Variants in GPATCH2L observed in about 807,000 individuals in gnomAD.
The protein encoded by GPATCH2L is G patch domain-containing protein 2-like.
In GPATCH2L, 31 loss-of-function variants were observed where a neutral mutation model predicts 57.4. The observed-to-expected ratio is 0.54, with a 90% CI of 0.41 to 0.73. The LOEUF (loss-of-function observed/expected upper bound fraction) is 0.73, where lower values mean the gene tolerates loss of function less well. Ranked by LOEUF, GPATCH2L falls within the 30% of genes least tolerant of loss-of-function variation. GPATCH2L has a pLI of 0.00. For synonymous variants in GPATCH2L, 199 were observed against 210.7 expected (o/e 0.94, Z 0.48); for missense variants, 481 against 599.9 (o/e 0.80, Z 2.07).
chr14:76,183,722 C>T (rs1395385621), intron 8 of GPATCH2L, among the ~76,000 whole-genome samples: 1 of 152,146 alleles, frequency 6.6e-6, no homozygotes, highest in Admixed American at 6.5e-5. Context: ...CCTTTGTAAT[C>T]GTTCCTCCCC....
Position 76,209,788 on chromosome 14 carries a change from C to T in GPATCH2L, c.*7937C>T, listed in dbSNP as rs573154603. ...GGTTCCACTTTCATCAGATGTGACC[C>T]TGTGTGTTCCTGATGTCTTTGAATC... On this transcript the variant is annotated 3_prime_UTR_variant, in exon 10 of 10. Transcript: ENST00000261530. The T allele has an allele frequency of 6.6e-6, 1 of 152,304 alleles. No homozygotes were observed. The highest frequency in any genetic ancestry group is 2.4e-5 in the African/African-American group (1 of 41,554). The allele number at this position is 152,304 out of a possible 1,614,324, so 9.4% of individuals were successfully genotyped here.
chr14:76,176,616 T>G lies in GPATCH2L; in HGVS notation c.985-7T>G, dbSNP rs761932574. On this transcript the variant is annotated splice_polypyrimidine_tract_variant and splice_region_variant and intron_variant, in intron 5 of 9. Coordinates refer to ENST00000261530, the MANE Select transcript of GPATCH2L (RefSeq NM_017926.4). ...GGATGATACTCTTGTCTGCCTTTTCTTTTTAGGAGACCAGCATAAACACTT... is the reference window on the plus strand; with the variant it reads ...GGATGATACTCTTGTCTGCCTTTTCGTTTTAGGAGACCAGCATAAACACTT... 1.9e-6 allele frequency: 3 copies of G among 1,596,772 alleles called. No homozygotes were observed. The Admixed American group carries it at 5.0e-5, about 27-fold the overall frequency.
rs374892109 is a variant in GPATCH2L at position 76,204,927 on chromosome 14, T to G, written c.*3076T>G. On this transcript the variant is annotated 3_prime_UTR_variant, in exon 10 of 10. Transcript: ENST00000261530. ...TTTAGATTTTTTTCAGATGCAGTAT[T>G]TTAAAGGAACAAAACTCCTGTGTTG... The G allele has an allele frequency of 2.6e-5, 4 of 152,248 alleles. No individual in the cohort carries two copies. The South Asian group carries it at 8.3e-4, about 32-fold the overall frequency. 9.4% of individuals were successfully genotyped at this position (152,248 alleles called of 1,614,324 possible).
intron 8 of GPATCH2L, among the ~76,000 whole-genome samples, chr14:76,182,585 CAAAAAAAAAA>C (rs66602777): frequency 2.4e-5 from 2 of 84,820 alleles, no homozygotes; most frequent in Non-Finnish European, 4.5e-5. Flanking sequence ...GACCCTGTCT[CAAAAAAAAAA>C]AAAAAAAAAA....
intron 3 of GPATCH2L, among the ~76,000 whole-genome samples, chr14:76,169,211 C>G (rs141378027): frequency 8.5e-4 from 129 of 152,200 alleles, no homozygotes; most frequent in Non-Finnish European, 1.4e-3. Flanking sequence ...CTCTGTGGCT[C>G]CTTGTATTAT....
chr14:76,186,140 CTT>C (rs932912852), intron 8 of GPATCH2L, among the ~76,000 whole-genome samples: 1 of 151,992 alleles, frequency 6.6e-6, no homozygotes, highest in African/African-American at 2.4e-5. Context: ...ATTTTAAAAA[CTT>C]TGAGTTGGCT....
chr14:76,224,780 T>C (rs1595014062), intron 1 of GPATCH2L, among the ~76,000 whole-genome samples: 1 of 152,154 alleles, frequency 6.6e-6, no homozygotes, highest in Non-Finnish European at 1.5e-5. Context: ...TTATTAGAAA[T>C]AAGTAAATTT....
chr14:76,156,022 A>G (rs554997347), intron 2 of GPATCH2L, among the ~76,000 whole-genome samples: 42 of 152,286 alleles, frequency 2.8e-4, no homozygotes, highest in African/African-American at 9.4e-4. Flanking sequence ...TGTACTATGG[A>G]CTTAGCATAT....
chr14:76,221,483 A>T (rs2040515117), intron 1 of GPATCH2L, among the ~76,000 whole-genome samples: 1 of 152,224 alleles, frequency 6.6e-6, no homozygotes, highest in Non-Finnish European at 1.5e-5. Context: ...ACAATCTAGC[A>T]ATGATGCTTC....
chr14:76,164,221 C>G (rs2038727554), intron 2 of GPATCH2L, among the ~76,000 whole-genome samples: 1 of 152,204 alleles, frequency 6.6e-6, no homozygotes, highest in Admixed American at 6.5e-5. Context: ...CGCCCTACCT[C>G]TCCCAGCCCT....
chr14:76,228,759 G>A (rs772243843), intron 1 of GPATCH2L, among the ~76,000 whole-genome samples: 17 of 152,182 alleles, frequency 1.1e-4, no homozygotes, highest in Admixed American at 7.9e-4. Flanking sequence ...GTGTCTGGTG[G>A]AGTTGGTGGA....
intron 1 of GPATCH2L, among the ~76,000 whole-genome samples, chr14:76,219,917 A>G (rs2040507069): frequency 6.6e-6 from 1 of 152,180 alleles, no homozygotes; most frequent in Non-Finnish European, 1.5e-5. Flanking sequence ...GTGTCAGGCA[A>G]GTGTTCTTAG....
At chr14:76,189,958 G>C (rs537291484) in intron 8 of GPATCH2L, among the ~76,000 whole-genome samples, 1 of 152,140 alleles carries the variant, frequency 6.6e-6, no homozygotes, top group South Asian at 2.1e-4. Flanking sequence ...GATTTTTGAA[G>C]GTGAACTATT....
intron 1 of GPATCH2L, among the ~76,000 whole-genome samples, chr14:76,219,687 C>T (rs996999726): frequency 6.6e-6 from 1 of 152,144 alleles, no homozygotes; most frequent in Non-Finnish European, 1.5e-5. Flanking sequence ...TACATACAGA[C>T]AGACCCAGGT....
At chr14:76,175,810 C>T (rs1456812847) in intron 5 of GPATCH2L, 1 of 152,146 alleles carries the variant, frequency 6.6e-6, no homozygotes, top group Non-Finnish European at 1.5e-5. Context: ...GAAGAACAGC[C>T]TTGATGTTCT....
rs748548497 is a variant in GPATCH2L, at chr14:76,153,089, CT to C, written c.-11+1099del. The C allele has an allele frequency of 1.3e-3, 366 of 280,746 alleles. 1 individual carries two copies. Among genetic ancestry groups the C allele is most frequent in the Non-Finnish European group, 2.0e-3 (292 of 143,054 alleles). The allele number at this position is 280,746 out of a possible 1,614,324, so 17.4% of individuals were successfully genotyped here. A position where few individuals can be genotyped will look rare whatever the true frequency, so the allele number is the denominator to read the frequency against. On this transcript the variant is annotated intron_variant, in intron 1 of 9. Transcript: ENST00000261530. ...ATGGTAGTTTTGGAAGTAGGTGTCA[CT>C]ATTGCTCCTACAGGTGTGGCAGATA...
intron 2 of GPATCH2L, chr14:76,230,305 C>T (rs942218444): frequency 3.3e-5 from 5 of 152,128 alleles, no homozygotes; most frequent in African/African-American, 1.2e-4. Context: ...GCAGCATCAC[C>T]GTGATCACCA....
Position 76,195,914 on chromosome 14 carries a change from T to A in GPATCH2L, c.1230T>A (p.Arg410=). 4 of 1,613,856 alleles carry A rather than the reference T, an allele frequency of 2.5e-6. No homozygotes were observed. Among genetic ancestry groups the A allele is most frequent in the Non-Finnish European group, 2.5e-6 (3 of 1,179,778 alleles). The change falls in exon 9 of 10, where the codon CGT becomes CGA. Residue 410 remains arginine (R), a synonymous_variant. Coordinates refer to ENST00000261530, the MANE Select transcript of GPATCH2L (RefSeq NM_017926.4). The stretch of plus-strand genomic sequence containing the variant: ...TACACTGGGGACCACCATGTTCACG[T>A]GACATCAAGAGGAAGCGGAAACCAG... ...ANVHWGPPCS[R]DIKRKRKPVA...
chr14:76,175,371 CCTT>C (rs2039277919), intron 5 of GPATCH2L: 1 of 148,366 alleles, frequency 6.7e-6, no homozygotes. Flanking sequence ...GCTCTGCCCC[CCTT>C]CTTCCCCCTC....
Sources: gnomAD v4.1 joint callset for allele counts (sites outside exome capture counted in the v4.1 genomes callset) on GRCh38, gnomAD v4.1.1 for gene constraint, MANE v1.5 for transcripts, NCBI Gene and HGNC (gene_info 2026-07-23, HGNC 2026-07-21) for gene names.